The following ANKFN1 variants were observed in gnomAD, a reference collection of about 807,000 sequenced individuals.
The protein encoded by ANKFN1 is ankyrin repeat and fibronectin type III domain containing 1.
Under a neutral mutation model 108.7 loss-of-function variants are expected in ANKFN1, and 74 were observed. The ratio of observed to expected loss-of-function variants is 0.68; its 90% confidence interval spans 0.56 to 0.83. The LOEUF is 0.83. Among genes scored for constraint, ANKFN1 ranks in the 40% least tolerant of loss-of-function variants. The pLI is 0.00. For missense variants in ANKFN1, 1,505 were observed against 1,382.3 expected, an observed-to-expected ratio of 1.09 and a Z score of -1.41; for synonymous variants, 547 against 516.2, an observed-to-expected ratio of 1.06 and a Z score of -0.81.
chr17:56,185,530 A>C (rs1277764055), intron 1 of ANKFN1, among the ~76,000 whole-genome samples: 1 of 152,090 alleles, frequency 6.6e-6, no homozygotes, highest in African/African-American at 2.4e-5. Flanking sequence ...ATGGCCTACA[A>C]ATATGTTCTT....
In ANKFN1 at chr17:56,306,422, A is replaced by G. The variant is rs1191899052; in HGVS notation, c.54-19799A>G. 2.0e-5 allele frequency among the ~76,000 whole-genome samples: 3 copies of G among 152,216 alleles called. No homozygotes were observed. The South Asian group carries it at 6.2e-4, about 32-fold the overall frequency. On this transcript the variant is annotated intron_variant, in intron 3 of 20. Coordinates refer to ENST00000682825, the MANE Select transcript of ANKFN1 (RefSeq NM_001370326.1). ...ATGTGCAAAAATCACAAGCATTCTT[A>G]TACACCAATAACAGACAAACAGAGA...
chr17:56,250,420 A>G (rs775588457), intron 3 of ANKFN1, among the ~76,000 whole-genome samples: 3 of 152,262 alleles, frequency 2.0e-5, no homozygotes, highest in East Asian at 3.8e-4. Flanking sequence ...AGGTGATGGC[A>G]TACTTGCCAA....
At chr17:56,438,575 TC>T (rs1361716508) in intron 8 of ANKFN1, among the ~76,000 whole-genome samples, 1 of 152,148 alleles carries the variant, frequency 6.6e-6, no homozygotes, top group East Asian at 1.9e-4. Context: ...GGATTTTTTT[TC>T]TTGAGACAGG....
intron 6 of ANKFN1, among the ~76,000 whole-genome samples, chr17:56,372,063 G>T (rs900680054): frequency 2.0e-5 from 3 of 152,126 alleles, no homozygotes; most frequent in Non-Finnish European, 4.4e-5. Context: ...CAGCAGTAGC[G>T]GAACTCTTTG....
chr17:56,137,637 C>T (rs113036834), intron 4 of ANKFN1, among the ~76,000 whole-genome samples: 1,570 of 151,980 alleles, frequency 0.01, 26 homozygotes, highest in African/African-American at 0.035. Flanking sequence ...AAAAACCTAC[C>T]GATCGGAGAG....
chr17:56,381,859 T>C (rs1420856001), intron 8 of ANKFN1, among the ~76,000 whole-genome samples: 1 of 152,062 alleles, frequency 6.6e-6, no homozygotes. Context: ...TGGAAAACAC[T>C]CTGCAGGATA....
chr17:56,466,227 T>C (rs1349387024), intron 14 of ANKFN1, 129 bp from the exon 15 acceptor site: 1 of 778,744 alleles, frequency 1.3e-6, no homozygotes, highest in African/African-American at 1.9e-5. Context: ...TAGGTTTAAG[T>C]GCAAAAAAAA....
At chr17:56,147,197 T>A (rs1044309298) in intron 4 of ANKFN1, among the ~76,000 whole-genome samples, 2 of 152,176 alleles carry the variant, frequency 1.3e-5, no homozygotes, top group Non-Finnish European at 2.9e-5. Flanking sequence ...TCAACAAGTT[T>A]CTAGGAAGTT....
In ANKFN1 at chr17:56,309,941, G is replaced by A. The variant is rs528883777; in HGVS notation, c.54-16280G>A. ...TGAGATGAAGTGAGGTGAATAGCAC[G>A]GGCGTTGTGATGTAGCACTAAACTA... On this transcript the variant is annotated intron_variant, in intron 3 of 20. Coordinates refer to ENST00000682825, the MANE Select transcript of ANKFN1 (RefSeq NM_001370326.1). 3.9e-5 allele frequency among the ~76,000 whole-genome samples: 6 copies of A among 152,284 alleles called. No homozygotes were observed. The East Asian group carries it at 7.7e-4, about 20-fold the overall frequency.
At chr17:56,426,808 T>A (rs567901265) in intron 8 of ANKFN1, among the ~76,000 whole-genome samples, 25 of 152,342 alleles carry the variant, frequency 1.6e-4, no homozygotes, top group African/African-American at 6.0e-4. Flanking sequence ...AGAACTCCCA[T>A]GTGACCTTAT....
intron 4 of ANKFN1, among the ~76,000 whole-genome samples, chr17:56,144,184 A>AAC (rs1567802731): frequency 2.6e-5 from 2 of 78,276 alleles, no homozygotes; most frequent in Admixed American, 1.4e-4. Flanking sequence ...AAAAAAAAAA[A>AAC]ACAGCCCAAA....
intron 4 of ANKFN1, among the ~76,000 whole-genome samples, chr17:56,073,320 A>G (rs370677716): frequency 2.6e-5 from 4 of 152,358 alleles, no homozygotes; most frequent in Middle Eastern, 3.4e-3. Flanking sequence ...CTAACGTTTT[A>G]TTATGAAAAT....
At position 56,512,741 on chromosome 17, in the gene ANKFN1, G is replaced by C. The variant is rs535308569; in HGVS notation, c.*1472G>C. ...CATGGGAGTTCATACAAAGTCCCCTGTTCACAATGTTATTCTGATCCCTTC... is the reference window on the plus strand; with the variant it reads ...CATGGGAGTTCATACAAAGTCCCCTCTTCACAATGTTATTCTGATCCCTTC... On this transcript the variant is annotated 3_prime_UTR_variant, in exon 21 of 21. Coordinates refer to ENST00000682825, the MANE Select transcript of ANKFN1 (RefSeq NM_001370326.1). Among the ~76,000 whole-genome samples, 22 of 152,266 alleles carry C rather than the reference G, an allele frequency of 1.4e-4. No homozygotes were observed. Among genetic ancestry groups the C allele is most frequent in the African/African-American group, 4.6e-4 (19 of 41,556 alleles).
rs528980088 is a variant in ANKFN1, at chr17:56,079,769, T to C, written c.288+33444T>C. On this transcript the variant is annotated intron_variant, in intron 4 of 12. Transcript: ENST00000635860. The stretch of plus-strand genomic sequence containing the variant: ...TTTGCATCAGAACGTGACAAGGTGG[T>C]GACTCCCTTTTTGCACTGCCTACAT... Among the ~76,000 whole-genome samples, 5 of 152,324 alleles carry C rather than the reference T, an allele frequency of 3.3e-5. No individual in the cohort carries two copies. In the South Asian group the frequency reaches 6.2e-4, roughly 19 times the overall value.
At chr17:56,106,531 A>G (rs1339103112) in intron 4 of ANKFN1, among the ~76,000 whole-genome samples, 2 of 152,234 alleles carry the variant, frequency 1.3e-5, no homozygotes, top group Non-Finnish European at 2.9e-5. Flanking sequence ...CCAGATGATG[A>G]TAACACCAAA....
At chr17:56,170,162 G>A (rs909607961) in intron 1 of ANKFN1, among the ~76,000 whole-genome samples, 18 of 152,246 alleles carry the variant, frequency 1.2e-4, no homozygotes, top group African/African-American at 2.4e-4. Context: ...TGACCTTGGC[G>A]TCAAAGAAAA....
rs145985991 is a variant in ANKFN1, at chr17:56,181,479, G to A, written c.-71+27949G>A. Reference sequence around the variant, plus strand: ...TCTGTTTTACAGATGATGAAACTGAGGCTTAGAAAGATGAAGTGACTAACC... The same window carrying A: ...TCTGTTTTACAGATGATGAAACTGAAGCTTAGAAAGATGAAGTGACTAACC... On this transcript the variant is annotated intron_variant, in intron 1 of 20. Coordinates refer to ENST00000682825, the MANE Select transcript of ANKFN1 (RefSeq NM_001370326.1). 7.2e-5 allele frequency among the ~76,000 whole-genome samples: 11 copies of A among 152,282 alleles called. No individual in the cohort carries two copies. The East Asian group carries it at 2.1e-3, about 29-fold the overall frequency.
chr17:56,153,037 A>T, upstream of ANKFN1, among the ~76,000 whole-genome samples: 1 of 152,276 alleles, frequency 6.6e-6, no homozygotes, highest in East Asian at 1.9e-4. Flanking sequence ...ATAATTGTTT[A>T]CCTGATTAGT....
At chr17:56,147,261 C>T (rs1908321001) in intron 4 of ANKFN1, among the ~76,000 whole-genome samples, 1 of 152,174 alleles carries the variant, frequency 6.6e-6, no homozygotes, top group Non-Finnish European at 1.5e-5. Context: ...ACTGTTCCAG[C>T]CTCTGCCTGT....
Sources: allele counts gnomAD v4.1 joint callset (sites outside exome capture counted in the v4.1 genomes callset), GRCh38; gene constraint gnomAD v4.1.1; transcripts MANE v1.5; gene names NCBI Gene and HGNC (gene_info 2026-07-23, HGNC 2026-07-21).